Variants in FBXO4 observed in about 807,000 individuals in gnomAD.
The protein encoded by FBXO4 is F-box only protein 4.
FBXO4 carries 36 observed loss-of-function variants against 43.7 expected under a neutral mutation model. The ratio of observed to expected loss-of-function variants is 0.82; its 90% confidence interval spans 0.63 to 1.09. The LOEUF (loss-of-function observed/expected upper bound fraction) is 1.09. Ranked by LOEUF, FBXO4 falls within the 50% of genes least tolerant of loss-of-function variation. The pLI is 0.00. For missense variants in FBXO4, 435 were observed against 474.1 expected (o/e 0.92, Z 0.77); for synonymous variants, 180 against 165.6 (o/e 1.09, Z -0.67).
chr5:42,032,677 C>G, the FBXO4 span, among the ~76,000 whole-genome samples: 1 of 152,166 alleles, frequency 6.6e-6, no homozygotes, highest in East Asian at 1.9e-4. Flanking sequence ...ATCCAACGTT[C>G]AATTCCTGGA....
At chr5:42,036,920 G>A in the FBXO4 span, among the ~76,000 whole-genome samples, 1 of 151,986 alleles carries the variant, frequency 6.6e-6, no homozygotes, top group Non-Finnish European at 1.5e-5. Flanking sequence ...GGAATACTTG[G>A]TGGGGAGGGT....
At chr5:41,967,351 C>G in the FBXO4 span, 1 of 476,756 alleles carries the variant, frequency 2.1e-6, no homozygotes, top group African/African-American at 2.0e-5. Context: ...GTTACAGGAT[C>G]TTGAACTGTA....
At chr5:42,006,689 A>G in the FBXO4 span, among the ~76,000 whole-genome samples, 1 of 151,608 alleles carries the variant, frequency 6.6e-6, no homozygotes, top group Non-Finnish European at 1.5e-5. Context: ...CTGGTTGTGG[A>G]AAGTATTGCT....
At chr5:42,010,440 A>G in the FBXO4 span, among the ~76,000 whole-genome samples, 1 of 151,852 alleles carries the variant, frequency 6.6e-6, no homozygotes, top group Admixed American at 6.6e-5. Context: ...CCTGGGCAGC[A>G]GAGGTTGTAG....
the FBXO4 span, among the ~76,000 whole-genome samples, chr5:41,955,667 G>C: frequency 6.6e-6 from 1 of 152,190 alleles, no homozygotes; most frequent in Non-Finnish European, 1.5e-5. Flanking sequence ...TATTACAAAA[G>C]AGAGTGCTGC....
chr5:42,023,924 C>T, the FBXO4 span, among the ~76,000 whole-genome samples: 2 of 151,996 alleles, frequency 1.3e-5, no homozygotes, highest in African/African-American at 2.4e-5. Context: ...CATTGCTGTT[C>T]TCCACACCAA....
chr5:42,010,878 C>CT, the FBXO4 span, among the ~76,000 whole-genome samples: 39 of 151,358 alleles, frequency 2.6e-4, no homozygotes, highest in Middle Eastern at 3.4e-3. Flanking sequence ...CTTTCTTTTT[C>CT]TTTTTTTTTA....
chr5:41,971,452 G>C, the FBXO4 span, among the ~76,000 whole-genome samples: 1 of 151,906 alleles, frequency 6.6e-6, no homozygotes, highest in African/African-American at 2.4e-5. Flanking sequence ...CTTTTTAATG[G>C]AGTGTATTTC....
At chr5:42,006,910 A>C in the FBXO4 span, among the ~76,000 whole-genome samples, 1 of 141,630 alleles carries the variant, frequency 7.1e-6, no homozygotes, top group Admixed American at 7.1e-5. Flanking sequence ...ATATATATAT[A>C]TATATATGTA....
chr5:41,993,271 A>G, the FBXO4 span, among the ~76,000 whole-genome samples: 1 of 152,088 alleles, frequency 6.6e-6, no homozygotes, highest in African/African-American at 2.4e-5. Flanking sequence ...TTCCCTTTTT[A>G]TATTTCTGCA....
At chr5:41,946,430 G>C (rs967065519), downstream of FBXO4, among the ~76,000 whole-genome samples, 8 of 152,178 alleles carry the variant, frequency 5.3e-5, no homozygotes, top group African/African-American at 1.9e-4. Flanking sequence ...AACTTTTTTA[G>C]CTGGTCGAAT....
At chr5:41,989,599 T>C in the FBXO4 span, among the ~76,000 whole-genome samples, 1 of 152,056 alleles carries the variant, frequency 6.6e-6, no homozygotes, top group African/African-American at 2.4e-5. Context: ...AAGATCAGAG[T>C]GTGCACCCAA....
chr5:41,990,489 G>A, the FBXO4 span, among the ~76,000 whole-genome samples: 1 of 152,102 alleles, frequency 6.6e-6, no homozygotes, highest in Non-Finnish European at 1.5e-5. Flanking sequence ...TTGGTAGTGG[G>A]AATTTCAGAA....
At chr5:42,031,298 G>T in the FBXO4 span, among the ~76,000 whole-genome samples, 1 of 152,124 alleles carries the variant, frequency 6.6e-6, no homozygotes. Flanking sequence ...ATGAGTTCAT[G>T]TCCTTTGTAG....
chr5:41,967,638 T>A, the FBXO4 span: 1 of 936,540 alleles, frequency 1.1e-6, no homozygotes, highest in Non-Finnish European at 1.7e-6. Flanking sequence ...CCAGTTTGCT[T>A]AATTATTTCC....
intron 5 of FBXO4, chr5:41,939,205 A>AGCCCTT (rs1195095727): frequency 2.8e-6 from 1 of 358,386 alleles, no homozygotes; most frequent in African/African-American, 2.1e-5. Flanking sequence ...TTTGAAAGTA[A>AGCCCTT]GCCCTTTGAA....
the FBXO4 span, among the ~76,000 whole-genome samples, chr5:41,980,349 T>C: frequency 1.3e-5 from 2 of 152,202 alleles, no homozygotes; most frequent in African/African-American, 2.4e-5. Context: ...TCTTGTGTTA[T>C]CATTTCTCCA....
chr5:41,957,889 A>G, the FBXO4 span, among the ~76,000 whole-genome samples: 2 of 152,108 alleles, frequency 1.3e-5, no homozygotes, highest in Admixed American at 6.6e-5. Flanking sequence ...TCTTTTTCAG[A>G]CAACTAACGT....
chr5:41,994,561 T>C, the FBXO4 span, among the ~76,000 whole-genome samples: 1 of 152,198 alleles, frequency 6.6e-6, no homozygotes, highest in Non-Finnish European at 1.5e-5. Flanking sequence ...TGGACTGTTG[T>C]AGTTTCCCTT....
Sources: gnomAD v4.1 joint callset for allele counts (sites outside exome capture counted in the v4.1 genomes callset) on GRCh38, gnomAD v4.1.1 for gene constraint, MANE v1.5 for transcripts, NCBI Gene and HGNC (gene_info 2026-07-23, HGNC 2026-07-21) for gene names.